Variants in EFHD1 observed in about 807,000 individuals in gnomAD.
EFHD1 encodes the protein EF-hand domain-containing protein D1.
In EFHD1, 10 loss-of-function variants were observed where a neutral mutation model predicts 17.2. That is an observed-to-expected ratio of 0.58 (90% CI 0.36 to 0.99). The LOEUF (loss-of-function observed/expected upper bound fraction) is 0.99, where lower values mean the gene tolerates loss of function less well. Ranked by LOEUF, EFHD1 falls within the 50% of genes least tolerant of loss-of-function variation. The pLI is 0.01. For missense variants in EFHD1, 310 were observed against 327.5 expected (o/e 0.95, Z 0.41); for synonymous variants, 153 against 142.0 (o/e 1.08, Z -0.55).
At chr2:232,612,810 G>A (rs183185715) in intron 1 of EFHD1, among the ~76,000 whole-genome samples, 2 of 147,440 alleles carry the variant, frequency 1.4e-5, no homozygotes, top group East Asian at 4.0e-4. Flanking sequence ...TCGGCTCACT[G>A]CAACCTCCAC....
intron 1 of EFHD1, among the ~76,000 whole-genome samples, chr2:232,635,712 G>A (rs572785450): frequency 7.4e-4 from 113 of 152,218 alleles, no homozygotes; most frequent in Non-Finnish European, 1.3e-3. Flanking sequence ...CCAGCTACTC[G>A]GGAGGCTGAG....
intron 2 of EFHD1, among the ~76,000 whole-genome samples, chr2:232,669,529 A>G (rs1424597036): frequency 6.7e-6 from 1 of 149,578 alleles, no homozygotes; most frequent in Non-Finnish European, 1.5e-5. Flanking sequence ...TCAAGTGAGG[A>G]TTTGGAAGGC....
chr2:232,675,210 G>A (rs1260878982), intron 3 of EFHD1, among the ~76,000 whole-genome samples: 3 of 146,502 alleles, frequency 2.0e-5, no homozygotes, highest in African/African-American at 5.1e-5. Flanking sequence ...AAGAAAGGAA[G>A]GAAGGAAGGA....
intron 1 of EFHD1, among the ~76,000 whole-genome samples, chr2:232,616,179 A>G (rs1693925647): frequency 6.6e-6 from 1 of 152,222 alleles, no homozygotes; most frequent in South Asian, 2.1e-4. Context: ...GAGAAAACGC[A>G]GTATTACTCA....
chr2:232,681,495 G>A, intron 3 of EFHD1, 90 bp from the exon 4 acceptor site: 1 of 1,533,098 alleles, frequency 6.5e-7, no homozygotes, highest in Non-Finnish European at 8.8e-7. Context: ...CTCTAGGTCT[G>A]CTGAATGGGC....
intron 1 of EFHD1, among the ~76,000 whole-genome samples, chr2:232,642,482 G>A (rs181917480): frequency 5.7e-4 from 86 of 152,006 alleles, no homozygotes; most frequent in Admixed American, 2.0e-3. Flanking sequence ...TCCGGTCTTG[G>A]AACTCTCGCC....
chr2:232,619,372 G>A (rs1161072699), intron 1 of EFHD1, among the ~76,000 whole-genome samples: 1 of 148,252 alleles, frequency 6.7e-6, no homozygotes. Context: ...GTGTGATGGC[G>A]CGATCTCGGC....
At chr2:232,606,981 A>C (rs1267088983) in intron 1 of EFHD1, among the ~76,000 whole-genome samples, 1 of 151,764 alleles carries the variant, frequency 6.6e-6, no homozygotes, top group Non-Finnish European at 1.5e-5. Context: ...GAGACACATC[A>C]TAACTTTTTT....
chr2:232,612,239 CT>C (rs1352799809), intron 1 of EFHD1, among the ~76,000 whole-genome samples: 1 of 152,198 alleles, frequency 6.6e-6, no homozygotes, highest in Non-Finnish European at 1.5e-5. Flanking sequence ...CATCCCCACA[CT>C]GAATTTCTCC....
intron 1 of EFHD1, among the ~76,000 whole-genome samples, chr2:232,658,804 G>T (rs999398056): frequency 6.6e-6 from 1 of 152,096 alleles, no homozygotes; most frequent in African/African-American, 2.4e-5. Flanking sequence ...TTAGGGTGAG[G>T]CAAACGTTCT....
At chr2:232,608,067 T>A (rs906501465) in intron 1 of EFHD1, among the ~76,000 whole-genome samples, 1 of 151,594 alleles carries the variant, frequency 6.6e-6, no homozygotes, top group Non-Finnish European at 1.5e-5. Context: ...TGGAATCAAG[T>A]CCCTTATATA....
rs190972092 is a variant in EFHD1 at position 232,637,374 on chromosome 2, C to T, written c.302+3368C>T. 2.9e-3 allele frequency among the ~76,000 whole-genome samples: 401 copies of T among 140,360 alleles called. 2 individuals carry two copies. Among genetic ancestry groups the T allele is most frequent in the Middle Eastern group, 0.027 (6 of 220 alleles). The allele number at this position is 140,360 out of a possible 152,430, so 92.1% of individuals were successfully genotyped here. On this transcript the variant is annotated intron_variant, in intron 1 of 3. Transcript: ENST00000264059. ...TTTTTTTTTTTTTGAGATGGAGTCT[C>T]ACTCCATTGCCCAGGCTGGAGTGCA... is the stretch of plus-strand genomic sequence containing the variant.
chr2:232,661,201 G>A (rs114561669), intron 1 of EFHD1, among the ~76,000 whole-genome samples: 2,264 of 151,958 alleles, frequency 0.015, 56 homozygotes, highest in African/African-American at 0.052. Flanking sequence ...AACCAAGTAA[G>A]TGGACATCAT....
intron 1 of EFHD1, among the ~76,000 whole-genome samples, chr2:232,644,671 G>A (rs1238371062): frequency 2.6e-5 from 4 of 151,850 alleles, no homozygotes; most frequent in South Asian, 2.1e-4. Context: ...CACCATGCCC[G>A]GCTAATTTTT....
intron 2 of EFHD1, 125 bp from the exon 3 acceptor site, chr2:232,672,184 T>C: frequency 7.6e-7 from 1 of 1,321,150 alleles, no homozygotes; most frequent in East Asian, 2.3e-5. Context: ...AAAAGTAATT[T>C]GCCACATGCA....
chr2:232,674,730 A>G (rs1446909434), intron 3 of EFHD1, among the ~76,000 whole-genome samples: 2 of 152,090 alleles, frequency 1.3e-5, no homozygotes, highest in Non-Finnish European at 2.9e-5. Flanking sequence ...TCGTCACTGG[A>G]TTTGGGAGAG....
chr2:232,608,312 G>A (rs974391228), intron 1 of EFHD1, among the ~76,000 whole-genome samples: 3 of 152,204 alleles, frequency 2.0e-5, no homozygotes, highest in African/African-American at 7.2e-5. Flanking sequence ...GGAGGTTGCA[G>A]TGAGTCAAGA....
At chr2:232,619,444 A>G (rs10173752) in intron 1 of EFHD1, among the ~76,000 whole-genome samples, 67,794 of 150,494 alleles carry the variant, frequency 0.45, 15,816 homozygotes, top group Middle Eastern at 0.61. Flanking sequence ...TGGAGCAGCT[A>G]GGATTACAGG....
At chr2:232,678,510 C>T (rs1413498858) in intron 3 of EFHD1, among the ~76,000 whole-genome samples, 2 of 151,942 alleles carry the variant, frequency 1.3e-5, no homozygotes, top group Non-Finnish European at 2.9e-5. Flanking sequence ...ATTGGCCGGG[C>T]GCGGTGGCTC....
Sources: gnomAD v4.1 joint callset for allele counts (sites outside exome capture counted in the v4.1 genomes callset) on GRCh38, gnomAD v4.1.1 for gene constraint, MANE v1.5 for transcripts, NCBI Gene and HGNC (gene_info 2026-07-23, HGNC 2026-07-21) for gene names.